Variants in NEGR1 observed in about 807,000 individuals in gnomAD.
The protein encoded by NEGR1 is neuronal growth regulator 1.
In NEGR1, 10 loss-of-function variants were observed where a neutral mutation model predicts 40.9. The ratio of observed to expected loss-of-function variants is 0.24; its 90% confidence interval spans 0.15 to 0.42. The LOEUF (loss-of-function observed/expected upper bound fraction) is 0.42. Among genes scored for constraint, NEGR1 ranks in the 10% least tolerant of loss-of-function variants. NEGR1 has a pLI of 1.00. For synonymous variants in NEGR1, 185 were observed against 166.8 expected, an observed-to-expected ratio of 1.11 and a Z score of -0.84; for missense variants, 352 against 438.9, an observed-to-expected ratio of 0.80 and a Z score of 1.77.
At chr1:72,118,983 T>C (rs1649688087) in intron 1 of NEGR1, among the ~76,000 whole-genome samples, 1 of 151,720 alleles carries the variant, frequency 6.6e-6, no homozygotes, top group Non-Finnish European at 1.5e-5. Context: ...TGAAAAATTT[T>C]AATGCAGATA....
intron 1 of NEGR1, among the ~76,000 whole-genome samples, chr1:72,237,647 TA>T (rs1167834717): frequency 6.6e-6 from 1 of 152,064 alleles, no homozygotes; most frequent in Non-Finnish European, 1.5e-5. Flanking sequence ...TCCAGAGCAT[TA>T]TAAAATGAGA....
intron 1 of NEGR1, among the ~76,000 whole-genome samples, chr1:72,086,800 T>C (rs1010495775): frequency 6.6e-6 from 1 of 152,176 alleles, no homozygotes; most frequent in Non-Finnish European, 1.5e-5. Flanking sequence ...TTTTAAAAAT[T>C]ATATTTTTTA....
At chr1:71,427,883 T>G (rs1458018341) in intron 6 of NEGR1, among the ~76,000 whole-genome samples, 1 of 152,160 alleles carries the variant, frequency 6.6e-6, no homozygotes, top group East Asian at 1.9e-4. Context: ...ACATATGCTA[T>G]GAGCCATACA....
At chr1:72,034,383 G>A (rs1026023422) in intron 1 of NEGR1, among the ~76,000 whole-genome samples, 8 of 152,158 alleles carry the variant, frequency 5.3e-5, no homozygotes, top group Non-Finnish European at 1.2e-4. Context: ...GGAAAGGGAA[G>A]GGAAGAATGT....
intron 2 of NEGR1, among the ~76,000 whole-genome samples, chr1:71,839,324 C>T (rs558862170): frequency 2.0e-5 from 3 of 151,316 alleles, no homozygotes; most frequent in African/African-American, 7.3e-5. Context: ...CTGCCTCAGC[C>T]TCCCGAGTAG....
intron 2 of NEGR1, among the ~76,000 whole-genome samples, chr1:71,883,332 T>A (rs1276333959): frequency 6.6e-6 from 1 of 152,108 alleles, no homozygotes; most frequent in South Asian, 2.1e-4. Flanking sequence ...TACTATATAA[T>A]CATTATATAC....
At chr1:71,750,474 A>C (rs982579857) in intron 3 of NEGR1, among the ~76,000 whole-genome samples, 2 of 152,168 alleles carry the variant, frequency 1.3e-5, no homozygotes, top group African/African-American at 4.8e-5. Flanking sequence ...AAGAGGTTTA[A>C]TTGACTCACT....
chr1:72,183,251 C>T (rs1174508220), intron 1 of NEGR1, among the ~76,000 whole-genome samples: 1 of 152,110 alleles, frequency 6.6e-6, no homozygotes, highest in East Asian at 1.9e-4. Context: ...AACACAGTAT[C>T]TTTGCCAAGG....
chr1:71,656,698 C>A (rs1389910949), intron 4 of NEGR1, among the ~76,000 whole-genome samples: 3 of 152,204 alleles, frequency 2.0e-5, no homozygotes, highest in Non-Finnish European at 4.4e-5. Flanking sequence ...CCGCGCCTGG[C>A]CTTTACATTG....
intron 4 of NEGR1, among the ~76,000 whole-genome samples, chr1:71,688,362 T>TAAG (rs1653121137): frequency 1.5e-5 from 1 of 67,066 alleles, no homozygotes; most frequent in Non-Finnish European, 2.9e-5. Context: ...AGATTATATA[T>TAAG]ATATGAGATA....
At chr1:71,903,051 T>TTCTG (rs1553173848) in intron 2 of NEGR1, among the ~76,000 whole-genome samples, 1 of 151,378 alleles carries the variant, frequency 6.6e-6, no homozygotes. Context: ...TAAAATTCAG[T>TTCTG]TTTATCATAG....
intron 2 of NEGR1, among the ~76,000 whole-genome samples, chr1:71,857,682 G>C (rs923527163): frequency 6.8e-6 from 1 of 146,430 alleles, no homozygotes; most frequent in Non-Finnish European, 1.5e-5. Flanking sequence ...CCTTGGATTC[G>C]TAAGAGAATG....
chr1:71,607,400 G>A (rs1650105283), intron 5 of NEGR1, among the ~76,000 whole-genome samples: 1 of 151,902 alleles, frequency 6.6e-6, no homozygotes. Flanking sequence ...AGACTCTTAA[G>A]GGCCTTGACC....
chr1:71,438,162 T>C (rs866905669), intron 6 of NEGR1, among the ~76,000 whole-genome samples: 2 of 152,334 alleles, frequency 1.3e-5, no homozygotes, highest in African/African-American at 2.4e-5. Flanking sequence ...TGTTTATGTA[T>C]TCTTTATAAG....
chr1:71,647,575 T>A (rs1651573136), intron 4 of NEGR1, among the ~76,000 whole-genome samples: 1 of 151,926 alleles, frequency 6.6e-6, no homozygotes, highest in East Asian at 1.9e-4. Flanking sequence ...GCCATTTTTC[T>A]TTTTGCTTCC....
At chr1:71,814,524 G>C (rs896528819) in intron 2 of NEGR1, among the ~76,000 whole-genome samples, 1 of 152,062 alleles carries the variant, frequency 6.6e-6, no homozygotes, top group African/African-American at 2.4e-5. Context: ...GAATTCAGCT[G>C]TAAATCTCTC....
At chr1:71,593,596 AC>A (rs1435049682) in intron 5 of NEGR1, among the ~76,000 whole-genome samples, 1 of 152,182 alleles carries the variant, frequency 6.6e-6, no homozygotes, top group Non-Finnish European at 1.5e-5. Context: ...CCATGGAAAG[AC>A]TTTAAAACTC....
chr1:71,845,744 T>G (rs1659385383), intron 2 of NEGR1, among the ~76,000 whole-genome samples: 1 of 151,958 alleles, frequency 6.6e-6, no homozygotes, highest in Non-Finnish European at 1.5e-5. Context: ...TCTACCTACC[T>G]ACCTACCTAC....
chr1:71,463,775 C>T (rs2101346932), intron 6 of NEGR1, among the ~76,000 whole-genome samples: 1 of 152,212 alleles, frequency 6.6e-6, no homozygotes, highest in East Asian at 1.9e-4. Context: ...AGTTCAAAAA[C>T]AAAGCAAGTC....
Sources: gnomAD v4.1 joint callset for allele counts (sites outside exome capture counted in the v4.1 genomes callset) on GRCh38, gnomAD v4.1.1 for gene constraint, MANE v1.5 for transcripts, NCBI Gene and HGNC (gene_info 2026-07-23, HGNC 2026-07-21) for gene names.